TLK2: variants seen among roughly 807,000 people sequenced by gnomAD.
TLK2 encodes the protein tousled like kinase 2.
TLK2 carries 6 observed loss-of-function variants against 117.3 expected under a neutral mutation model. That is an observed-to-expected ratio of 0.05 (90% CI 0.03 to 0.10). The LOEUF (loss-of-function observed/expected upper bound fraction) is 0.10. Among genes scored for constraint, TLK2 ranks in the 10% least tolerant of loss-of-function variants. TLK2 has a pLI of 1.00. For synonymous variants in TLK2, 257 were observed against 316.7 expected (o/e 0.81, Z 2.00); for missense variants, 299 against 901.2 (o/e 0.33, Z 8.56).
chr17:62,505,251 A>T (rs1239023989), intron 2 of TLK2, among the ~76,000 whole-genome samples: 1 of 152,000 alleles, frequency 6.6e-6, no homozygotes, highest in Non-Finnish European at 1.5e-5. Flanking sequence ...TTATTTTAAA[A>T]TTTTGTTTTA....
upstream of TLK2, among the ~76,000 whole-genome samples, chr17:62,474,252 G>T (rs1266729433): frequency 6.7e-6 from 1 of 150,004 alleles, no homozygotes; most frequent in East Asian, 2.0e-4. Context: ...CTAATTTTTT[G>T]TATTTTTAGT....
intron 2 of TLK2, chr17:62,516,738 G>C: frequency 6.3e-7 from 1 of 1,589,008 alleles, no homozygotes; most frequent in Non-Finnish European, 8.6e-7. Flanking sequence ...GTTCATAAAT[G>C]GCAATCCAGT....
At chr17:62,478,409 C>G (rs1009464941), upstream of TLK2, among the ~76,000 whole-genome samples, 246 of 150,410 alleles carry the variant, frequency 1.6e-3, 3 homozygotes, top group African/African-American at 5.7e-3. Context: ...CAGCGCCGGC[C>G]CAACCGCCCC....
chr17:62,535,946 C>T (rs1469045790), intron 6 of TLK2, among the ~76,000 whole-genome samples: 1 of 151,886 alleles, frequency 6.6e-6, no homozygotes, highest in Non-Finnish European at 1.5e-5. Flanking sequence ...AAATATAGAA[C>T]CATTAAAATA....
At chr17:62,523,965 TCTCTC>T (rs1266796403) in intron 5 of TLK2, among the ~76,000 whole-genome samples, 1 of 152,198 alleles carries the variant, frequency 6.6e-6, no homozygotes, top group African/African-American at 2.4e-5. Context: ...AAAACATTCT[TCTCTC>T]ATGTCCTTTC....
chr17:62,542,077 G>A (rs1018759171), intron 7 of TLK2, among the ~76,000 whole-genome samples: 14 of 152,286 alleles, frequency 9.2e-5, no homozygotes, highest in African/African-American at 1.9e-4. Flanking sequence ...TCTTCTATTG[G>A]TGAGAATGTT....
chr17:62,603,410 C>A (rs1191746869), intron 19 of TLK2, among the ~76,000 whole-genome samples: 1 of 152,130 alleles, frequency 6.6e-6, no homozygotes, highest in Non-Finnish European at 1.5e-5. Context: ...TTATTGTGGG[C>A]TAGTGTTCCT....
chr17:62,498,611 G>A (rs944016557), intron 2 of TLK2, among the ~76,000 whole-genome samples: 4 of 152,102 alleles, frequency 2.6e-5, no homozygotes, highest in East Asian at 1.9e-4. Flanking sequence ...GGCTGGTCTC[G>A]AACTCCTGAC....
intron 12 of TLK2, among the ~76,000 whole-genome samples, chr17:62,576,304 C>T (rs2080781888): frequency 1.3e-5 from 2 of 152,158 alleles, no homozygotes; most frequent in East Asian, 1.9e-4. Context: ...TTTGTTATTA[C>T]AGTATCAAGG....
At chr17:62,545,830 A>G (rs1249756567) in intron 7 of TLK2, among the ~76,000 whole-genome samples, 1 of 151,776 alleles carries the variant, frequency 6.6e-6, no homozygotes, top group Non-Finnish European at 1.5e-5. Context: ...AGCCTCCCCA[A>G]ATAGCTGGGA....
In TLK2 at chr17:62,565,071, C is replaced by G; in HGVS notation, c.902C>G (p.Thr301Ser). ...QDRLRLGHFT[T>S]VRHGASFTEQ... is the part of the protein sequence containing the mutation. ...CGCTTGAGACTGGGCCACTTTACTA[C>G]TGTCCGACACGGAGCCTCATTTACT... The change falls in exon 11 of 22, where the codon ACT (threonine) becomes AGT (serine). Residue 301 changes from threonine (T) to serine (S), a missense_variant. Thr to Ser is a moderately conservative substitution (Grantham distance 58). Transcript: ENST00000346027. The G allele has an allele frequency of 6.2e-7, 1 of 1,614,134 alleles. No individual in the cohort carries two copies. Among genetic ancestry groups the G allele is most frequent in the Non-Finnish European group, 8.5e-7 (1 of 1,179,996 alleles).
At chr17:62,511,930 A>G (rs541337274) in intron 2 of TLK2, among the ~76,000 whole-genome samples, 3 of 152,334 alleles carry the variant, frequency 2.0e-5, no homozygotes, top group African/African-American at 7.2e-5. Flanking sequence ...TAAATGTTCA[A>G]GAGTACAATT....
At chr17:62,609,837 G>T (rs1231034027) in intron 21 of TLK2, among the ~76,000 whole-genome samples, 1 of 152,164 alleles carries the variant, frequency 6.6e-6, no homozygotes, top group African/African-American at 2.4e-5. Context: ...TAGTAGCTAG[G>T]TGCAGCGCTG....
chr17:62,488,247 T>C (rs2072697297), intron 2 of TLK2, among the ~76,000 whole-genome samples: 2 of 152,206 alleles, frequency 1.3e-5, no homozygotes, highest in African/African-American at 4.8e-5. Flanking sequence ...GGAACTCTTT[T>C]TCTATCTTTT....
At chr17:62,480,530 G>A (rs2071510768) in intron 1 of TLK2, among the ~76,000 whole-genome samples, 1 of 152,186 alleles carries the variant, frequency 6.6e-6, no homozygotes, top group African/African-American at 2.4e-5. Flanking sequence ...GTGAATGGAG[G>A]TGGATGGTTT....
intron 2 of TLK2, among the ~76,000 whole-genome samples, chr17:62,496,138 A>G (rs1374643945): frequency 1.3e-5 from 2 of 152,302 alleles, no homozygotes; most frequent in South Asian, 2.1e-4. Flanking sequence ...ATACTTATGT[A>G]TATTCAACCC....
intron 2 of TLK2, among the ~76,000 whole-genome samples, chr17:62,514,359 G>T (rs774578376): frequency 6.6e-6 from 1 of 151,176 alleles, no homozygotes; most frequent in Non-Finnish European, 1.5e-5. Flanking sequence ...TGGCCAGGCT[G>T]GTCTCAAACT....
At chr17:62,572,197 TTTA>T (rs1000458076) in intron 11 of TLK2, among the ~76,000 whole-genome samples, 1 of 149,566 alleles carries the variant, frequency 6.7e-6, no homozygotes, top group African/African-American at 2.5e-5. Context: ...AAAAAAAAGA[TTTA>T]TTATTCCACA....
At chr17:62,506,250 A>G (rs1182167749) in intron 2 of TLK2, among the ~76,000 whole-genome samples, 2 of 152,358 alleles carry the variant, frequency 1.3e-5, no homozygotes, top group East Asian at 1.9e-4. Context: ...CCAGACAGAT[A>G]GGTAGAACCT....
Sources: gnomAD v4.1 joint callset for allele counts (sites outside exome capture counted in the v4.1 genomes callset) on GRCh38, gnomAD v4.1.1 for gene constraint, MANE v1.5 for transcripts, NCBI Gene and HGNC (gene_info 2026-07-23, HGNC 2026-07-21) for gene names.